Variants in ARHGAP21 observed in about 807,000 individuals in gnomAD.
ARHGAP21 encodes the protein rho GTPase-activating protein 21.
In ARHGAP21, 38 loss-of-function variants were observed where a neutral mutation model predicts 164.6. The ratio of observed to expected loss-of-function variants is 0.23; its 90% CI spans 0.18 to 0.30. The LOEUF (loss-of-function observed/expected upper bound fraction) is 0.30. Ranked by LOEUF, ARHGAP21 falls within the 10% of genes least tolerant of loss-of-function variation. The pLI is 1.00. For missense variants in ARHGAP21, 1,822 were observed against 2,370.7 expected (o/e 0.77, Z 4.81); for synonymous variants, 766 against 857.9 (o/e 0.89, Z 1.87).
At chr10:24,682,892 G>C (rs1841905554) in intron 2 of ARHGAP21, among the ~76,000 whole-genome samples, 1 of 151,912 alleles carries the variant, frequency 6.6e-6, no homozygotes, top group South Asian at 2.1e-4. Flanking sequence ...TCAGGAGATT[G>C]AGACCATCCT....
chr10:24,624,356 T>G (rs1834874636), intron 7 of ARHGAP21, among the ~76,000 whole-genome samples: 2 of 148,362 alleles, frequency 1.3e-5, no homozygotes, highest in South Asian at 4.4e-4. Flanking sequence ...TTTTTTTTTT[T>G]TGAGACCGAG....
At position 24,585,474 on chromosome 10, in the gene ARHGAP21, G is replaced by A. The variant is rs776516666; in HGVS notation, c.4815C>T (p.Ser1605=). 9 of 1,614,064 alleles carry A rather than the reference G, an allele frequency of 5.6e-6. No homozygotes were observed. The South Asian group carries it at 9.9e-5, about 18-fold the overall frequency. Reference sequence around the variant, plus strand: ...TCTCTGCCACGGATTGCACCTCAGGGCTCAGTCGACTGGAGTCCAGGCTAG... The same window carrying A: ...TCTCTGCCACGGATTGCACCTCAGGACTCAGTCGACTGGAGTCCAGGCTAG... ...YLTSLDSSRL[S]PEVQSVAESK... is the part of the protein sequence containing the mutation. Residue 1605 remains serine, a synonymous_variant, in exon 26 of 26, where the codon AGC becomes AGT. Coordinates refer to ENST00000396432, the MANE Select transcript of ARHGAP21 (RefSeq NM_020824.4).
At chr10:24,591,200 T>C in intron 24 of ARHGAP21, 25 bp downstream of exon 24, 1 of 1,563,222 alleles carries the variant, frequency 6.4e-7, no homozygotes, top group South Asian at 1.1e-5. Context: ...AGCCTAGAGG[T>C]CAAGACTGCC....
chr10:24,709,389 G>A (rs1370021795), intron 2 of ARHGAP21, among the ~76,000 whole-genome samples: 1 of 152,034 alleles, frequency 6.6e-6, no homozygotes, highest in Non-Finnish European at 1.5e-5. Flanking sequence ...AGAAATCAAG[G>A]AATAAGGAAT....
In ARHGAP21 at chr10:24,598,013, C is replaced by T. The variant is rs1478639057; in HGVS notation, c.3133-4G>A. On this transcript the variant is annotated splice_polypyrimidine_tract_variant and splice_region_variant and intron_variant, in intron 14 of 25. Transcript: ENST00000396432. ...CCCTGTTAGTGACTCCAGTGTCCTA[C>T]AGAATAAAGTAAAATTAGAAAATCA... 4.4e-6 allele frequency: 7 copies of T among 1,603,668 alleles called. No homozygotes were observed. The highest frequency in any genetic ancestry group is 1.3e-5 in the African/African-American group (1 of 74,494).
intron 4 of ARHGAP21, among the ~76,000 whole-genome samples, chr10:24,664,402 A>C (rs1186688407): frequency 2.0e-5 from 3 of 152,054 alleles, no homozygotes; most frequent in African/African-American, 7.2e-5. Flanking sequence ...TAAAAATACA[A>C]AAATTAGCTG....
intron 3 of ARHGAP21, among the ~76,000 whole-genome samples, chr10:24,668,300 C>G (rs187117913): frequency 4.6e-5 from 7 of 152,328 alleles, no homozygotes; most frequent in Non-Finnish European, 8.8e-5. Flanking sequence ...CCCACTGGGG[C>G]CCTGTCTGTG....
intron 2 of ARHGAP21, among the ~76,000 whole-genome samples, chr10:24,721,611 T>A (rs1351917023): frequency 6.6e-6 from 1 of 152,128 alleles, no homozygotes. Flanking sequence ...GATGAGGACA[T>A]TCCAAACTGC....
chr10:24,612,936 CA>C (rs1411673642), intron 9 of ARHGAP21, among the ~76,000 whole-genome samples: 6 of 152,064 alleles, frequency 3.9e-5, no homozygotes, highest in African/African-American at 1.4e-4. Flanking sequence ...GATATACACT[CA>C]ATTTAAATCA....
chr10:24,711,888 T>G lies in ARHGAP21; in HGVS notation c.63+9949A>C, dbSNP rs182932558. ...CAGAACCTGTGGGCATGACCTTATT[T>G]TGAAAAAGGGTCTTTGCAGATGTAA... On this transcript the variant is annotated intron_variant, in intron 2 of 25. Transcript: ENST00000396432. Among the ~76,000 whole-genome samples the G allele has an allele frequency of 5.3e-4, 80 of 151,978 alleles. 1 individual carries two copies. The highest frequency in any genetic ancestry group is 1.3e-3 in the African/African-American group (53 of 41,488).
rs1207508325 is a variant in ARHGAP21 at position 24,716,441 on chromosome 10, T to C, written c.63+5396A>G. Among the ~76,000 whole-genome samples the C allele has an allele frequency of 3.9e-5, 6 of 152,132 alleles. No individual in the cohort carries two copies. In the East Asian group the frequency reaches 1.2e-3, roughly 29 times the overall value. ...TGTGCAGAGACTGGGGGAAGTGTTC[T>C]AAGGGGAGGGTTCAGTGAGTGGGAA... On this transcript the variant is annotated intron_variant, in intron 2 of 25. Transcript: ENST00000396432.
At chr10:24,661,085 A>C in intron 4 of ARHGAP21, among the ~76,000 whole-genome samples, 1 of 151,048 alleles carries the variant, frequency 6.6e-6, no homozygotes, top group Non-Finnish European at 1.5e-5. Context: ...TTATATTCAT[A>C]AATTCTTTAA....
intron 7 of ARHGAP21, chr10:24,629,048 T>A (rs1032000681): frequency 6.0e-5 from 7 of 116,906 alleles, no homozygotes; most frequent in Admixed American, 5.6e-4. Flanking sequence ...CAGGCTGGAG[T>A]GCAGTGGCGC....
rs529781339 is a variant in ARHGAP21 at position 24,654,414 on chromosome 10, G to A, written c.268+12571C>T. On this transcript the variant is annotated intron_variant, in intron 4 of 25. Transcript: ENST00000396432. Reference sequence around the variant, plus strand: ...GCCCAAAATATCCTTAGGCTGATAAGCAAATTCAGCAAAGTCTTAGGATAC... The same window carrying A: ...GCCCAAAATATCCTTAGGCTGATAAACAAATTCAGCAAAGTCTTAGGATAC... Among the ~76,000 whole-genome samples, 3 of 152,302 alleles carry A rather than the reference G, an allele frequency of 2.0e-5. No individual in the cohort carries two copies. The South Asian group carries it at 6.2e-4, about 32-fold the overall frequency.
chr10:24,667,208 A>C (rs1355652239), intron 3 of ARHGAP21, among the ~76,000 whole-genome samples, 199 bp from the exon 4 acceptor site: 4 of 152,208 alleles, frequency 2.6e-5, no homozygotes, highest in African/African-American at 9.6e-5. Flanking sequence ...ATCTTCAATA[A>C]CAGTATAGGA....
chr10:24,590,939 T>G, intron 24 of ARHGAP21: 8 of 901,536 alleles, frequency 8.9e-6, no homozygotes, highest in Non-Finnish European at 1.0e-5. Context: ...AAACTGTGAA[T>G]TAAAAAAAAA....
intron 2 of ARHGAP21, among the ~76,000 whole-genome samples, chr10:24,689,608 G>GCA (rs1046404777): frequency 1.3e-5 from 2 of 151,984 alleles, no homozygotes; most frequent in African/African-American, 4.8e-5. Context: ...CAGCATGGTG[G>GCA]CACGTGCCTG....
Position 24,650,656 on chromosome 10 carries a change from T to G in ARHGAP21, c.269-15553A>C, listed in dbSNP as rs746945373. On this transcript the variant is annotated intron_variant, in intron 4 of 25. Coordinates refer to ENST00000396432, the MANE Select transcript of ARHGAP21 (RefSeq NM_020824.4). ...ACAATAAATACATAATTAATTACAT[T>G]AAATACATACGTGAAAATTTCTAAA... 8.0e-4 allele frequency among the ~76,000 whole-genome samples: 121 copies of G among 152,194 alleles called. 5 individuals are homozygous for G. The highest frequency in any genetic ancestry group is 1.9e-4 in the Non-Finnish European group (13 of 68,034).
At chr10:24,592,775 T>TCAGAAATGAAAAGTGGAAGAAGTG (rs1356766262) in intron 21 of ARHGAP21, among the ~76,000 whole-genome samples, 5 of 151,954 alleles carry the variant, frequency 3.3e-5, no homozygotes, top group Admixed American at 6.6e-5. Context: ...TCCCTCCCCT[T>TCAGAAATGAAAAGTGGAAGAAGTG]CAGAAATGAA....
Sources: allele counts gnomAD v4.1 joint callset (sites outside exome capture counted in the v4.1 genomes callset), GRCh38; gene constraint gnomAD v4.1.1; transcripts MANE v1.5; gene names NCBI Gene and HGNC (gene_info 2026-07-23, HGNC 2026-07-21).